CRYBG2: variants seen among roughly 807,000 people sequenced by gnomAD.
CRYBG2 encodes the protein beta/gamma crystallin domain-containing protein 2.
In CRYBG2, 106 loss-of-function variants were observed where a neutral mutation model predicts 153.4. The observed-to-expected ratio is 0.69, with a 90% CI of 0.59 to 0.81. The LOEUF (loss-of-function observed/expected upper bound fraction) is 0.81, where lower values mean the gene tolerates loss of function less well. Ranked by LOEUF, CRYBG2 falls within the 30% of genes least tolerant of loss-of-function variation. The probability of loss-of-function intolerance (pLI) is 0.00; values close to 1 mark genes in which losing one functional copy is unlikely to be tolerated. For synonymous variants in CRYBG2, 851 were observed against 877.8 expected (o/e 0.97, Z 0.54); for missense variants, 1,996 against 2,112.0 (o/e 0.95, Z 1.08).
chr1:26,328,179 G>T, intron 17 of CRYBG2, 30 bp downstream of exon 17: 1 of 1,555,042 alleles, frequency 6.4e-7, no homozygotes, highest in South Asian at 1.2e-5. Context: ...CTCAGCCCCA[G>T]ACACGCTCAG....
rs1053506932 is a variant in CRYBG2, at chr1:26,339,732, G to A, written c.3205-303C>T. On this transcript the variant is annotated intron_variant, in intron 5 of 19. Coordinates refer to ENST00000308182, the MANE Select transcript of CRYBG2 (RefSeq NM_001039775.4). ...GCCTGGGCAATAAGAGTGAAACTCC[G>A]TCTCAAAACAAAAAAAAAAAAGAAA... 7.5e-5 allele frequency among the ~76,000 whole-genome samples: 11 copies of A among 146,486 alleles called. No individual in the cohort carries two copies. In the East Asian group the frequency reaches 8.0e-4, roughly 11 times the overall value.
rs2074227586 is a variant in CRYBG2, at chr1:26,346,716, C to A, written c.-55-4G>T. 2.8e-6 allele frequency: 4 copies of A among 1,454,130 alleles called. No individual in the cohort carries two copies. The highest frequency in any genetic ancestry group is 2.7e-6 in the Non-Finnish European group (3 of 1,098,590). 90.1% of individuals were successfully genotyped at this position (1,454,130 alleles called of 1,614,324 possible). ...TGTCCCACTGTGGTCCAGCTCCCTG[C>A]AGAGGAATAAGAAAGATGAGGGTCA... On this transcript the variant is annotated splice_polypyrimidine_tract_variant and splice_region_variant and intron_variant, in intron 1 of 19. Transcript: ENST00000308182. This position sits in a 1 kb window ranked among gnomAD's most constrained non-coding sequence, Gnocchi z 4.9.
In CRYBG2 at chr1:26,344,072, AG is replaced by A; in HGVS notation, c.2585del (p.Pro862LeufsTer14). On this transcript the variant is annotated frameshift_variant, in exon 2 of 20. Transcript: ENST00000308182. LOFTEE classifies it high-confidence loss of function. ...AGCAGGAGACCTGGGTGGGTCTGGC[AG>A]GGTGGAGGTCCCTGGAGGGGCTGGG... ...AGPSPSRDLH[P>X]ARPTQVSCSP... 1 of 1,536,138 alleles carries A rather than the reference AG, an allele frequency of 6.5e-7. No individual in the cohort carries two copies. Among genetic ancestry groups the A allele is most frequent in the Non-Finnish European group, 8.7e-7 (1 of 1,146,894 alleles).
intron 14 of CRYBG2, among the ~76,000 whole-genome samples, chr1:26,333,295 G>A (rs536203056): frequency 2.6e-5 from 4 of 152,236 alleles, no homozygotes; most frequent in Admixed American, 1.3e-4. Flanking sequence ...GCCGGGTGCC[G>A]TGGCTCACGC....
chr1:26,336,726 C>T lies in CRYBG2; in HGVS notation c.3918G>A (p.Val1306=), dbSNP rs1370700061. The part of the protein sequence containing the change: ...QAIHVLSGVW[V]AYQEVGFSGE... ...CGGAGAAGCCCACCTCCTGGTAGGC[C>T]ACCCACCTGCAGGAAGGGCGGGGCG... is the stretch of plus-strand genomic sequence containing the variant. The change falls in exon 12 of 20, where the codon GTG becomes GTA. Residue 1306 remains valine (V), a synonymous_variant. Transcript: ENST00000308182. This position sits in a 1 kb window ranked among gnomAD's most constrained non-coding sequence, Gnocchi z 4.9. The T allele has an allele frequency of 1.3e-6, 2 of 1,583,000 alleles. No individual in the cohort carries two copies. Among genetic ancestry groups the T allele is most frequent in the Admixed American group, 1.8e-5 (1 of 55,706 alleles).
chr1:26,324,390 TC>T, intron 17 of CRYBG2, 80 bp from the exon 18 acceptor site: 1 of 1,419,778 alleles, frequency 7.0e-7, no homozygotes, highest in African/African-American at 1.4e-5. Context: ...CTCTGGACTC[TC>T]CAGTATCAGG....
At chr1:26,338,297 G>A in intron 7 of CRYBG2, 54 bp downstream of exon 7, 1 of 1,537,420 alleles carries the variant, frequency 6.5e-7, no homozygotes. Flanking sequence ...CAGCTACTTG[G>A]GACCAGGGGC....
intron 5 of CRYBG2, among the ~76,000 whole-genome samples, chr1:26,339,826 A>G (rs2074108865): frequency 6.6e-6 from 1 of 152,162 alleles, no homozygotes; most frequent in Non-Finnish European, 1.5e-5. Context: ...CCAAGGCTCC[A>G]AATAGCTTCT....
In CRYBG2 at chr1:26,344,090, G is replaced by T; in HGVS notation, c.2568C>A (p.Pro856=). The stretch of plus-strand genomic sequence containing the variant: ...GTCTGGCAGGGTGGAGGTCCCTGGA[G>T]GGGCTGGGCCCAGCTTTCTCCTGCC... The part of the protein sequence containing the change: ...QRRQEKAGPS[P]SRDLHPARPT... Residue 856 remains proline (P), a synonymous_variant, in exon 2 of 20, where the codon CCC becomes CCA. Transcript: ENST00000308182. 1 of 1,536,186 alleles carries T rather than the reference G, an allele frequency of 6.5e-7. No individual in the cohort carries two copies. Among genetic ancestry groups the T allele is most frequent in the Non-Finnish European group, 8.7e-7 (1 of 1,146,912 alleles).
chr1:26,339,340 C>T lies in CRYBG2; in HGVS notation c.3294G>A (p.Gln1098=), dbSNP rs2074100605. Residue 1098 remains glutamine, a synonymous_variant, in exon 6 of 20, where the codon CAG becomes CAA. Coordinates refer to ENST00000308182, the MANE Select transcript of CRYBG2 (RefSeq NM_001039775.4). The stretch of plus-strand genomic sequence containing the variant: ...CCACCTGCAGGGGCTTCTCCAGACC[C>T]TGGGAATTCTTCAAGGCCTCTGTTA... ...VKLTEALKNS[Q]GLEKPLQVAS... 1 of 1,614,224 alleles carries T rather than the reference C, an allele frequency of 6.2e-7. No homozygotes were observed. The highest frequency in any genetic ancestry group is 8.5e-7 in the Non-Finnish European group (1 of 1,180,040).
chr1:26,334,163 C>G (rs2074028298), intron 14 of CRYBG2, among the ~76,000 whole-genome samples: 1 of 152,196 alleles, frequency 6.6e-6, no homozygotes, highest in African/African-American at 2.4e-5. Context: ...TGGCTCACAC[C>G]TGTAATCCCA....
rs1205792998 is a variant in CRYBG2 at position 26,324,187 on chromosome 1, T to C, written c.4702A>G (p.Ile1568Val). Residue 1568 changes from isoleucine (I) to valine (V), a missense_variant, in exon 18 of 20, where the codon ATC (isoleucine) becomes GTC (valine). By Grantham distance (29) the Ile-to-Val change is conservative (BLOSUM62 3). Coordinates refer to ENST00000308182, the MANE Select transcript of CRYBG2 (RefSeq NM_001039775.4). The stretch of plus-strand genomic sequence containing the variant: ...AGCAGCCCATCCTCGTAGTACCAGA[T>C]GCAGCTACCTCCAGCTTGGGGGTCG... ...VADPQAGGSC[I>V]WYYEDGLLKN... 1.2e-6 allele frequency: 2 copies of C among 1,613,600 alleles called. No homozygotes were observed.
rs2074229956 is a variant in CRYBG2 at position 26,346,885 on chromosome 1, G to C, written c.-55-173C>G. 6.6e-6 allele frequency among the ~76,000 whole-genome samples: 1 copy of C among 152,164 alleles called. No homozygotes were observed. Among genetic ancestry groups the C allele is most frequent in the Non-Finnish European group, 1.5e-5 (1 of 68,036 alleles). Reference sequence around the variant, plus strand: ...GGCATGGTAGTCTCAGCTCTGATTTGGTTGATCAGAGCCCCTCATCCATCC... The same window carrying C: ...GGCATGGTAGTCTCAGCTCTGATTTCGTTGATCAGAGCCCCTCATCCATCC... On this transcript the variant is annotated intron_variant, in intron 1 of 19. Transcript: ENST00000308182. This position sits in a 1 kb window ranked among gnomAD's most constrained non-coding sequence, Gnocchi z 4.9.
rs1488189725 is a variant in CRYBG2, at chr1:26,336,692, A to G, written c.3952T>C (p.Tyr1318His). 2 of 1,570,170 alleles carry G rather than the reference A, an allele frequency of 1.3e-6. No homozygotes were observed. The highest frequency in any genetic ancestry group is 1.7e-6 in the Non-Finnish European group (2 of 1,157,334). The part of the protein sequence containing the change: ...YQEVGFSGEQ[Y>H]VLEKGVYRNC... ...CGATACACGCCCTTCTCCAGCACGT[A>G]CTGTTCCCCGGAGAAGCCCACCTCC... Residue 1318 changes from tyrosine (Y) to histidine (H), a missense_variant, in exon 12 of 20, where the codon TAC becomes CAC. Physicochemically the swap from Tyr to His is moderately conservative, Grantham distance 83 (BLOSUM62 2). Coordinates refer to ENST00000308182, the MANE Select transcript of CRYBG2 (RefSeq NM_001039775.4). This position sits in a 1 kb window ranked among gnomAD's most constrained non-coding sequence, Gnocchi z 4.9.
At position 26,344,274 on chromosome 1, in the gene CRYBG2, G is replaced by A. The variant is rs1254078982; in HGVS notation, c.2384C>T (p.Ser795Phe). 6.5e-7 allele frequency: 1 copy of A among 1,529,890 alleles called. No homozygotes were observed. Among genetic ancestry groups the A allele is most frequent in the Non-Finnish European group, 8.8e-7 (1 of 1,142,294 alleles). The allele number at this position is 1,529,890 out of a possible 1,614,324, so 94.8% of individuals were successfully genotyped here. ...AATGGCAGGCAGCGTGGCGTACATG[G>A]ACAGGTAGGAGGAGCGAGGGGCTCG... ...LPRAPRSSYL[S>F]MYATLPAIEE... is the part of the protein sequence containing the mutation. Residue 795 changes from serine (S) to phenylalanine (F), a missense_variant, in exon 2 of 20, where the codon TCC (serine) becomes TTC (phenylalanine). By Grantham distance (155) the Ser-to-Phe change is radical. Coordinates refer to ENST00000308182, the MANE Select transcript of CRYBG2 (RefSeq NM_001039775.4).
Position 26,321,894 on chromosome 1 carries a change from TGTTACAACAAA to T in CRYBG2, c.*63_*73del. 7.7e-7 allele frequency: 1 copy of T among 1,298,424 alleles called. No homozygotes were observed. The highest frequency in any genetic ancestry group is 1.0e-6 in the Non-Finnish European group (1 of 959,622). The allele number at this position is 1,298,424 out of a possible 1,614,324, so 80.4% of individuals were successfully genotyped here. ...TGGCAGCATATTAGAAAATAGCTTA[TGTTACAACAAA>T]AACCCTATAAAAACATTCATCCCAG... On this transcript the variant is annotated 3_prime_UTR_variant, in exon 20 of 20. Transcript: ENST00000308182.
chr1:26,339,847 T>C (rs2074109459), intron 5 of CRYBG2, among the ~76,000 whole-genome samples: 1 of 152,180 alleles, frequency 6.6e-6, no homozygotes, highest in African/African-American at 2.4e-5. Context: ...GAGAAAACCT[T>C]TGTAGCCATT....
intron 5 of CRYBG2, among the ~76,000 whole-genome samples, chr1:26,341,451 T>C (rs1043478314): frequency 5.9e-5 from 9 of 152,192 alleles, no homozygotes; most frequent in Admixed American, 5.9e-4. Context: ...CAGTAGTTTA[T>C]TACTGTGCGG....
chr1:26,331,441 AG>A lies in CRYBG2; in HGVS notation c.4314+47del, dbSNP rs941272235. The stretch of plus-strand genomic sequence containing the variant: ...GTTCTGTGTCCAGAAGTCCCACAGC[AG>A]CAACTTCTGCTTCCGGGATTGCCTG... On this transcript the variant is annotated intron_variant, in intron 15 of 19. Transcript: ENST00000308182. 7 of 1,593,172 alleles carry A rather than the reference AG, an allele frequency of 4.4e-6. No individual in the cohort carries two copies. In the African/African-American group the frequency reaches 9.4e-5, roughly 21 times the overall value.
Sources: gnomAD v4.1 joint callset for allele counts (sites outside exome capture counted in the v4.1 genomes callset) on GRCh38, gnomAD v4.1.1 for gene constraint, Gnocchi (gnomAD v3.1) non-coding constraint, MANE v1.5 for transcripts, NCBI Gene and HGNC (gene_info 2026-07-23, HGNC 2026-07-21) for gene names.